NRG1: variants seen among roughly 807,000 people sequenced by gnomAD.
The protein encoded by NRG1 is pro-neuregulin-1, membrane-bound isoform.
In NRG1, 18 loss-of-function variants were observed where a neutral mutation model predicts 63.8. The observed-to-expected ratio is 0.28, with a 90% CI of 0.19 to 0.42. The LOEUF (loss-of-function observed/expected upper bound fraction) is 0.42, where lower values mean the gene tolerates loss of function less well. NRG1 is among the 10% of genes least tolerant of loss of function. NRG1 has a pLI of 1.00. For synonymous variants in NRG1, 302 were observed against 301.3 expected, an observed-to-expected ratio of 1.00 and a Z score of -0.02; for missense variants, 762 against 814.7, an observed-to-expected ratio of 0.94 and a Z score of 0.79.
At chr8:32,545,058 C>T (rs1388251426), upstream of NRG1, among the ~76,000 whole-genome samples, 1 of 152,208 alleles carries the variant, frequency 6.6e-6, no homozygotes, top group Non-Finnish European at 1.5e-5. Context: ...TTACTGTCAA[C>T]ATGCATAATA....
At chr8:31,754,113 G>A (rs1181294317) in intron 1 of NRG1, among the ~76,000 whole-genome samples, 2 of 152,206 alleles carry the variant, frequency 1.3e-5, no homozygotes, top group Admixed American at 6.5e-5. Context: ...ATGTTAACCT[G>A]CTGTTGCAGC....
chr8:31,846,252 G>T (rs145521315), intron 1 of NRG1, among the ~76,000 whole-genome samples: 1 of 152,172 alleles, frequency 6.6e-6, no homozygotes, highest in Non-Finnish European at 1.5e-5. Flanking sequence ...AGAATAACTC[G>T]ATGAGGATGC....
intron 1 of NRG1, among the ~76,000 whole-genome samples, chr8:31,717,910 G>T (rs1209011907): frequency 1.3e-5 from 2 of 152,174 alleles, no homozygotes; most frequent in South Asian, 2.1e-4. Context: ...GAAACAGATT[G>T]CCATGGTTAC....
chr8:32,314,355 T>A (rs1857139864), intron 1 of NRG1, among the ~76,000 whole-genome samples: 1 of 152,182 alleles, frequency 6.6e-6, no homozygotes, highest in African/African-American at 2.4e-5. Context: ...TGTCTAAAGC[T>A]TTTTTACAGC....
intron 1 of NRG1, among the ~76,000 whole-genome samples, chr8:32,280,691 GTTTT>G (rs1174950316): frequency 2.9e-4 from 17 of 57,664 alleles, no homozygotes; most frequent in African/African-American, 6.6e-4. Context: ...TTTTTTTTTT[GTTTT>G]TTTTTTTTTT....
intron 1 of NRG1, among the ~76,000 whole-genome samples, chr8:31,917,333 C>T (rs1419294628): frequency 3.3e-5 from 5 of 150,568 alleles, no homozygotes; most frequent in African/African-American, 7.4e-5. Context: ...GTTTTTATGG[C>T]TTTAGGTCTA....
In NRG1 at chr8:32,400,820, A is replaced by C. The variant is rs78770036; in HGVS notation, c.38-195008A>C. 5.6e-3 allele frequency among the ~76,000 whole-genome samples: 857 copies of C among 152,360 alleles called. 15 individuals carry two copies. The highest frequency in any genetic ancestry group is 0.04 in the South Asian group (192 of 4,826). On this transcript the variant is annotated intron_variant, in intron 1 of 10. Coordinates refer to the NRG1 transcript ENST00000519301. ...ACAAAGGAATACAAATTGTTCTATC[A>C]TGAAGACACCTGTACACATATGTTC...
intron 1 of NRG1, among the ~76,000 whole-genome samples, chr8:32,347,013 T>C (rs1804990591): frequency 6.6e-6 from 1 of 151,958 alleles, no homozygotes; most frequent in Non-Finnish European, 1.5e-5. Flanking sequence ...ATATTTTTAG[T>C]AGAGATGGGG....
intron 1 of NRG1, among the ~76,000 whole-genome samples, chr8:32,404,989 C>T (rs11775675): frequency 0.25 from 37,607 of 152,028 alleles, 4,944 homozygotes; most frequent in Middle Eastern, 0.33. Flanking sequence ...GCTCTTTTCA[C>T]GTCAGGGGTT....
At position 32,113,349 on chromosome 8, in the gene NRG1, C is replaced by T. The variant is rs559311402; in HGVS notation, c.37+473918C>T. Among the ~76,000 whole-genome samples the T allele has an allele frequency of 3.3e-5, 5 of 152,148 alleles. No homozygotes were observed. In the South Asian group the frequency reaches 1.0e-3, roughly 32 times the overall value. On this transcript the variant is annotated intron_variant, in intron 1 of 10. Transcript: ENST00000519301. ...ACGTATCTCCAATAGTAACTGCTCT[C>T]CTCTTTCAGTTCCAGCATACCTAGG...
intron 1 of NRG1, among the ~76,000 whole-genome samples, chr8:31,750,372 T>C (rs1816328471): frequency 6.6e-6 from 1 of 151,898 alleles, no homozygotes; most frequent in African/African-American, 2.4e-5. Flanking sequence ...TGCATGTAAA[T>C]GTTTTTATAG....
chr8:31,685,955 C>T (rs1201800461), intron 1 of NRG1, among the ~76,000 whole-genome samples: 1 of 152,068 alleles, frequency 6.6e-6, no homozygotes, highest in Non-Finnish European at 1.5e-5. Flanking sequence ...GTACTATGAA[C>T]ATTCATATAC....
chr8:32,595,776 G>T (rs1267403154), intron 1 of NRG1, 52 bp from the exon 2 acceptor site: 10 of 1,530,326 alleles, frequency 6.5e-6, no homozygotes, highest in Non-Finnish European at 8.9e-6. Context: ...GTTTCTCTTT[G>T]AAAGATTGCC....
intron 1 of NRG1, among the ~76,000 whole-genome samples, chr8:32,481,178 TA>T (rs1185235888): frequency 6.6e-6 from 1 of 151,814 alleles, no homozygotes; most frequent in Non-Finnish European, 1.5e-5. Context: ...ATCTCATCTC[TA>T]AAAAAATACA....
At chr8:32,478,405 C>T (rs1824813338) in intron 1 of NRG1, among the ~76,000 whole-genome samples, 1 of 152,166 alleles carries the variant, frequency 6.6e-6, no homozygotes, top group Non-Finnish European at 1.5e-5. Context: ...TGTTTTGGGA[C>T]ACCAATGTAA....
intron 1 of NRG1, among the ~76,000 whole-genome samples, chr8:32,559,832 A>G (rs1359426935): frequency 1.4e-5 from 2 of 143,856 alleles, no homozygotes; most frequent in Non-Finnish European, 3.1e-5. Flanking sequence ...CTGTCTCTAC[A>G]AAAAAATACA....
intron 1 of NRG1, among the ~76,000 whole-genome samples, chr8:32,503,970 A>C (rs1249811900): frequency 1.3e-5 from 2 of 152,154 alleles, no homozygotes; most frequent in African/African-American, 2.4e-5. Context: ...GTGGCTTGCC[A>C]GCACTTCAAA....
chr8:32,261,377 G>C (rs1850352491), intron 1 of NRG1, among the ~76,000 whole-genome samples: 1 of 151,894 alleles, frequency 6.6e-6, no homozygotes, highest in African/African-American at 2.4e-5. Flanking sequence ...GTGTGTGTGT[G>C]TGTGTGTGTG....
At chr8:31,749,114 C>T (rs2131445437) in intron 1 of NRG1, among the ~76,000 whole-genome samples, 1 of 151,830 alleles carries the variant, frequency 6.6e-6, no homozygotes, top group South Asian at 2.1e-4. Flanking sequence ...TTCTCCATGA[C>T]AGAGGATAGT....
Sources: gnomAD v4.1 joint callset for allele counts (sites outside exome capture counted in the v4.1 genomes callset) on GRCh38, gnomAD v4.1.1 for gene constraint, MANE v1.5 for transcripts, NCBI Gene and HGNC (gene_info 2026-07-23, HGNC 2026-07-21) for gene names.